The following PXDN variants were observed in gnomAD, a reference collection of about 807,000 sequenced individuals.
PXDN encodes peroxidasin, also known as peroxidasin homolog.
In PXDN, 77 loss-of-function variants were observed where a neutral mutation model predicts 140.3. That is an observed-to-expected ratio of 0.55 (90% confidence interval 0.46 to 0.66). The LOEUF (loss-of-function observed/expected upper bound fraction) is 0.66, where lower values mean the gene tolerates loss of function less well. Among genes scored for constraint, PXDN ranks in the 30% least tolerant of loss-of-function variants. The probability of loss-of-function intolerance (pLI) is 0.00; values close to 1 mark genes in which losing one functional copy is unlikely to be tolerated. For missense variants in PXDN, 1,838 were observed against 2,039.5 expected (o/e 0.90, Z 1.90); for synonymous variants, 911 against 857.4 (o/e 1.06, Z -1.09).
intron 3 of PXDN, among the ~76,000 whole-genome samples, chr2:1,688,646 G>C (rs1479143067): frequency 6.6e-6 from 1 of 152,146 alleles, no homozygotes; most frequent in Non-Finnish European, 1.5e-5. Context: ...CCAGACATGG[G>C]GAGCCCTGCC....
chr2:1,722,771 G>A (rs1685083462), intron 1 of PXDN, among the ~76,000 whole-genome samples: 1 of 152,240 alleles, frequency 6.6e-6, no homozygotes, highest in Non-Finnish European at 1.5e-5. Context: ...GTACGAGGAA[G>A]CAGGGACAGG....
At chr2:1,664,253 C>T in intron 11 of PXDN, 1 of 161,848 alleles carries the variant, frequency 6.2e-6, no homozygotes, top group Admixed American at 5.9e-5. Context: ...GGTGGGGCCC[C>T]TCAGAGGGCT....
At chr2:1,719,834 TTGTGTG>T (rs36227356) in intron 1 of PXDN, among the ~76,000 whole-genome samples, 1,341 of 108,284 alleles carry the variant, frequency 0.012, 24 homozygotes, top group South Asian at 0.026. Flanking sequence ...CATGCGTGCA[TTGTGTG>T]TGTGTGTGTG....
intron 1 of PXDN, among the ~76,000 whole-genome samples, chr2:1,731,140 G>C (rs1685302718): frequency 1.6e-5 from 1 of 62,144 alleles, no homozygotes; most frequent in Non-Finnish European, 3.1e-5. Flanking sequence ...GAACACTGTT[G>C]AGAGCGCGCG....
intron 1 of PXDN, among the ~76,000 whole-genome samples, chr2:1,696,569 T>A (rs1684305689): frequency 6.6e-6 from 1 of 152,186 alleles, no homozygotes; most frequent in African/African-American, 2.4e-5. Context: ...TGGGAGCTAC[T>A]CAACATTAGA....
rs771694327 is a variant in PXDN at position 1,693,074 on chromosome 2, G to T, written c.261C>A (p.Asn87Lys). ...IQPGAFRRLR[N>K]LNTLLLNNNQ... Reference sequence around the variant, plus strand: ...ATATTTCCACTCACAATGTGTTCAAGTTCCTCAGCCGCCTGAATGCCCCAG... The same window carrying T: ...ATATTTCCACTCACAATGTGTTCAATTTCCTCAGCCGCCTGAATGCCCCAG... The change falls in exon 2 of 23, where the codon AAC (asparagine) becomes AAA (lysine). Residue 87 changes from asparagine to lysine, a missense_variant. This residue lies in a region of PXDN where 231 missense variants were observed against 201.5 expected (regional missense o/e 1.15). Coordinates refer to ENST00000252804, the MANE Select transcript of PXDN (RefSeq NM_012293.3). The T allele has an allele frequency of 6.4e-7, 1 of 1,553,312 alleles. No homozygotes were observed. The highest frequency in any genetic ancestry group is 8.7e-7 in the Non-Finnish European group (1 of 1,145,246).
Position 1,635,531 on chromosome 2 carries a change from T to C in PXDN, c.4207-10A>G, listed in dbSNP as rs1287635627. On this transcript the variant is annotated splice_polypyrimidine_tract_variant and intron_variant, in intron 21 of 22. Transcript: ENST00000252804. ...ATTCAAGTTTCTTTATCTGCAGCAA[T>C]GCAAAGAACATTCATTCATTGGGCA... is the stretch of plus-strand genomic sequence containing the variant. 6.4e-7 allele frequency: 1 copy of C among 1,563,132 alleles called. No individual in the cohort carries two copies. Among genetic ancestry groups the C allele is most frequent in the African/African-American group, 1.4e-5 (1 of 74,036 alleles).
At chr2:1,725,780 C>T (rs555380050) in intron 1 of PXDN, among the ~76,000 whole-genome samples, 1 of 152,304 alleles carries the variant, frequency 6.6e-6, no homozygotes, top group South Asian at 2.1e-4. Flanking sequence ...AATGAACAGA[C>T]ACTTCTCAAA....
chr2:1,692,378 C>T (rs1236818851), intron 2 of PXDN, among the ~76,000 whole-genome samples: 7 of 152,316 alleles, frequency 4.6e-5, no homozygotes, highest in Admixed American at 6.5e-5. Context: ...GGTGGACAGA[C>T]GTGCCAGGAA....
Position 1,643,364 on chromosome 2 carries a change from G to A in PXDN, c.3952+4C>T, listed in dbSNP as rs561767703. ...GGAACAGACATGGTGCCCCTGGCAC[G>A]CACCTTCACAGCAGTCCTGCCACAC... On this transcript the variant is annotated splice_donor_region_variant and intron_variant, in intron 19 of 22. Coordinates refer to ENST00000252804, the MANE Select transcript of PXDN (RefSeq NM_012293.3). 61 of 1,611,814 alleles carry A rather than the reference G, an allele frequency of 3.8e-5. 1 individual carries two copies. The highest frequency in any genetic ancestry group is 2.4e-4 in the South Asian group (22 of 91,046).
intron 1 of PXDN, among the ~76,000 whole-genome samples, chr2:1,717,158 G>A (rs1352136554): frequency 2.6e-5 from 4 of 152,220 alleles, no homozygotes; most frequent in Non-Finnish European, 4.4e-5. Flanking sequence ...TAGAAACGCT[G>A]GCCATGAGAA....
At chr2:1,684,300 T>A (rs909348775) in intron 4 of PXDN, 149 bp from the exon 5 acceptor site, 12 of 661,484 alleles carry the variant, frequency 1.8e-5, no homozygotes, top group Admixed American at 1.5e-4. Flanking sequence ...GAACAATACA[T>A]AAAATTATCA....
intron 13 of PXDN, 45 bp downstream of exon 13, chr2:1,662,027 A>G (rs1683316554): frequency 3.3e-6 from 5 of 1,514,370 alleles, no homozygotes; most frequent in Non-Finnish European, 4.5e-6. Context: ...CAGCCCGTCT[A>G]CCTTGTATCT....
At chr2:1,686,104 C>T (rs1256378138) in intron 4 of PXDN, among the ~76,000 whole-genome samples, 1 of 152,198 alleles carries the variant, frequency 6.6e-6, no homozygotes, top group Admixed American at 6.5e-5. Context: ...GGAAGGGGTG[C>T]AGTTCGCCAG....
chr2:1,650,701 A>G (rs574211525), intron 16 of PXDN, among the ~76,000 whole-genome samples: 3 of 152,152 alleles, frequency 2.0e-5, no homozygotes, highest in African/African-American at 7.2e-5. Context: ...ACGCACACAC[A>G]CATGCACGCT....
intron 1 of PXDN, among the ~76,000 whole-genome samples, chr2:1,720,608 T>TA (rs1447557851): frequency 2.0e-5 from 3 of 152,118 alleles, no homozygotes; most frequent in Non-Finnish European, 2.9e-5. Context: ...GCCTCTCAGA[T>TA]ACAGCTCTCT....
At chr2:1,726,486 G>A (rs958656188) in intron 1 of PXDN, among the ~76,000 whole-genome samples, 7 of 151,044 alleles carry the variant, frequency 4.6e-5, no homozygotes, top group East Asian at 1.9e-4. Context: ...GCTAAATGAC[G>A]AGTTAATGGG....
chr2:1,663,376 A>C (rs1481956234), intron 12 of PXDN, among the ~76,000 whole-genome samples: 1 of 152,192 alleles, frequency 6.6e-6, no homozygotes, highest in African/African-American at 2.4e-5. Context: ...GTTCAAAACA[A>C]CCATCACTGA....
chr2:1,744,158 C>G (rs1685631849), intron 1 of PXDN, 98 bp downstream of exon 1: 1 of 1,239,984 alleles, frequency 8.1e-7, no homozygotes, highest in Non-Finnish European at 1.0e-6. Flanking sequence ...CCGATGCCCC[C>G]TCCACCCTCC....
Sources: allele counts gnomAD v4.1 joint callset (sites outside exome capture counted in the v4.1 genomes callset), GRCh38; gene constraint gnomAD v4.1.1; regional missense constraint gnomAD v4.1.1; transcripts MANE v1.5; gene names NCBI Gene and HGNC (gene_info 2026-07-23, HGNC 2026-07-21).